The following USP36 variants were observed in gnomAD, a reference collection of about 807,000 sequenced individuals.
The protein encoded by USP36 is ubiquitin specific peptidase 36.
Under a neutral mutation model 111.5 loss-of-function variants are expected in USP36, and 59 were observed. That is an observed-to-expected ratio of 0.53 (90% CI 0.43 to 0.66). The LOEUF (loss-of-function observed/expected upper bound fraction) is 0.66. Ranked by LOEUF, USP36 falls within the 30% of genes least tolerant of loss-of-function variation. The pLI is 0.00. For missense variants in USP36, 1,488 were observed against 1,468.0 expected, an observed-to-expected ratio of 1.01 and a Z score of -0.22; for synonymous variants, 628 against 581.0, an observed-to-expected ratio of 1.08 and a Z score of -1.16.
In USP36 at chr17:78,798,281, G is replaced by T; in HGVS notation, c.*20+119C>A. 3.7e-6 allele frequency: 5 copies of T among 1,340,462 alleles called. No homozygotes were observed. Among genetic ancestry groups the T allele is most frequent in the Non-Finnish European group, 5.1e-6 (5 of 989,406 alleles). 83.0% of individuals were successfully genotyped at this position (1,340,462 alleles called of 1,614,324 possible). A position where few individuals can be genotyped will look rare whatever the true frequency, so the allele number is the denominator to read the frequency against. ...ACCACACACACCACCCAACACACATGTGCCAGATACACAGCCCACATACAT... is the reference window on the plus strand; with the variant it reads ...ACCACACACACCACCCAACACACATTTGCCAGATACACAGCCCACATACAT... On this transcript the variant is annotated intron_variant, in intron 20 of 20. Coordinates refer to ENST00000449938, the MANE Select transcript of USP36 (RefSeq NM_001385174.1). The surrounding 1 kb of genome is among the most constrained non-coding windows in gnomAD (Gnocchi z 5.1).
chr17:78,823,539 G>C (rs2094381101), intron 6 of USP36, among the ~76,000 whole-genome samples: 2 of 152,328 alleles, frequency 1.3e-5, no homozygotes, highest in South Asian at 2.1e-4. Flanking sequence ...GTAGAGAACA[G>C]CTGGGCAAGA....
At chr17:78,788,874 C>A (rs972324913) in intron 3 of USP36, among the ~76,000 whole-genome samples, 1 of 152,032 alleles carries the variant, frequency 6.6e-6, no homozygotes, top group African/African-American at 2.4e-5. Flanking sequence ...ACACTGAGGA[C>A]TGAGATGTCT....
intron 13 of USP36, among the ~76,000 whole-genome samples, chr17:78,809,826 G>A (rs541542483): frequency 1.1e-3 from 160 of 152,012 alleles, no homozygotes; most frequent in Non-Finnish European, 1.8e-3. Context: ...TTTTGGAGAT[G>A]GGGGTCTTTC....
chr17:78,804,318 G>A (rs1213431966), intron 15 of USP36, among the ~76,000 whole-genome samples: 4 of 151,776 alleles, frequency 2.6e-5, no homozygotes, highest in South Asian at 4.2e-4. Context: ...AAAATTAGCC[G>A]GGCGTGGTGG....
chr17:78,838,260 C>G (rs1020376875), intron 2 of USP36, among the ~76,000 whole-genome samples: 1 of 151,476 alleles, frequency 6.6e-6, no homozygotes, highest in Non-Finnish European at 1.5e-5. Context: ...GTAATCCCAG[C>G]TACGCAGGAG....
At chr17:78,818,630 C>T in intron 10 of USP36, 37 bp downstream of exon 10, 1 of 1,588,212 alleles carries the variant, frequency 6.3e-7, no homozygotes, top group African/African-American at 1.3e-5. Context: ...CGACTGTGGC[C>T]CACGGAGCTG....
In USP36 at chr17:78,807,362, C is replaced by T. The variant is rs367953812; in HGVS notation, c.1682G>A (p.Ser561Asn). ...QGLPGTSNSN[S>N]SRSGSQRQGS... ...CTGCCTTTGGCTCCCAGATCTGCTGCTATTCGAGTTGCTGGTCCCAGGCAG... is the reference window on the plus strand; with the variant it reads ...CTGCCTTTGGCTCCCAGATCTGCTGTTATTCGAGTTGCTGGTCCCAGGCAG... Residue 561 changes from serine to asparagine, a missense_variant, in exon 14 of 21, where the codon AGC becomes AAC. Around this residue, in one of 3 missense-constraint regions of USP36, gnomAD observed 1,073 missense variants for 994.1 expected, o/e 1.08. Transcript: ENST00000449938. The T allele has an allele frequency of 5.0e-6, 8 of 1,614,252 alleles. No homozygotes were observed. The highest frequency in any genetic ancestry group is 2.7e-5 in the African/African-American group (2 of 75,062).
chr17:78,823,974 C>T (rs993385888), intron 6 of USP36, among the ~76,000 whole-genome samples: 1 of 152,184 alleles, frequency 6.6e-6, no homozygotes, highest in Non-Finnish European at 1.5e-5. Flanking sequence ...AGAATCAAAA[C>T]ACCTCATGGG....
chr17:78,789,612 A>T, intron 3 of USP36, among the ~76,000 whole-genome samples: 1 of 152,206 alleles, frequency 6.6e-6, no homozygotes, highest in African/African-American at 2.4e-5. Context: ...GAAAACCCCC[A>T]GATTTTATTT....
At chr17:78,838,371 C>CAAAAAAAAAAAAAAAAAAAAAAAA (rs1195525371) in intron 2 of USP36, among the ~76,000 whole-genome samples, 2 of 58,472 alleles carry the variant, frequency 3.4e-5, no homozygotes, top group African/African-American at 1.2e-4. Flanking sequence ...GACTTGGTCT[C>CAAAAAAAAAAAAAAAAAAAAAAAA]AAAAAAAAAA....
chr17:78,801,121 C>T (rs183805620), intron 17 of USP36, among the ~76,000 whole-genome samples: 3 of 152,118 alleles, frequency 2.0e-5, no homozygotes, highest in Non-Finnish European at 2.9e-5. Flanking sequence ...GGACTAGAGG[C>T]GCCCGCCACC....
chr17:78,799,582 G>C, intron 18 of USP36, 85 bp downstream of exon 18: 2 of 1,246,710 alleles, frequency 1.6e-6, no homozygotes, highest in South Asian at 1.3e-5. Context: ...CACACTCACA[G>C]TGCACCAGGA....
At chr17:78,791,361 G>A (rs1475996456), downstream of USP36, among the ~76,000 whole-genome samples, 3 of 151,548 alleles carry the variant, frequency 2.0e-5, no homozygotes, top group South Asian at 2.1e-4. Flanking sequence ...CAGGTGATCC[G>A]CCCCGCCTAG....
chr17:78,831,036 C>T (rs1326546714), intron 4 of USP36, among the ~76,000 whole-genome samples: 1 of 151,058 alleles, frequency 6.6e-6, no homozygotes, highest in African/African-American at 2.4e-5. Context: ...ACCATCCTGG[C>T]TTACACAGTG....
intron 4 of USP36, 39 bp downstream of exon 4, chr17:78,835,241 G>C: frequency 6.3e-7 from 1 of 1,596,756 alleles, no homozygotes; most frequent in South Asian, 1.1e-5. Context: ...CTAATCCAGA[G>C]GACCCACAGC....
intron 9 of USP36, among the ~76,000 whole-genome samples, chr17:78,819,292 G>C (rs1038604842): frequency 6.6e-6 from 1 of 152,176 alleles, no homozygotes. Context: ...TAGATATAAA[G>C]ATATTCAGCC....
chr17:78,823,329 C>T (rs1053956367), intron 6 of USP36: 7 of 396,708 alleles, frequency 1.8e-5, no homozygotes, highest in African/African-American at 1.0e-4. Flanking sequence ...ATGGCGGCTA[C>T]CAAAATCCAG....
At chr17:78,813,299 G>A (rs2094111988) in intron 12 of USP36, among the ~76,000 whole-genome samples, 1 of 152,056 alleles carries the variant, frequency 6.6e-6, no homozygotes, top group Non-Finnish European at 1.5e-5. Flanking sequence ...ACACTCTGCA[G>A]AGACGTACAA....
chr17:78,814,826 C>T (rs982381442), intron 10 of USP36, among the ~76,000 whole-genome samples: 1 of 152,192 alleles, frequency 6.6e-6, no homozygotes, highest in Non-Finnish European at 1.5e-5. Context: ...GGTGCACTGC[C>T]TGTAATCCCA....
Sources: gnomAD v4.1 joint callset for allele counts (sites outside exome capture counted in the v4.1 genomes callset) on GRCh38, gnomAD v4.1.1 for gene constraint, gnomAD v4.1.1 regional missense constraint, Gnocchi (gnomAD v3.1) non-coding constraint, MANE v1.5 for transcripts, NCBI Gene and HGNC (gene_info 2026-07-23, HGNC 2026-07-21) for gene names.